The following IL1RAPL2 variants were observed in gnomAD, a reference collection of about 807,000 sequenced individuals.
IL1RAPL2 encodes the protein interleukin 1 receptor accessory protein like 2.
Under a neutral mutation model 44.1 loss-of-function variants are expected in IL1RAPL2, and 3 were observed. That is an observed-to-expected ratio of 0.07 (90% CI 0.03 to 0.18). IL1RAPL2 has a LOEUF of 0.18. Among genes scored for constraint, IL1RAPL2 ranks in the 10% least tolerant of loss-of-function variants. The probability of loss-of-function intolerance (pLI) is 1.00; values close to 1 mark genes in which losing one functional copy is unlikely to be tolerated. For synonymous variants in IL1RAPL2, 181 were observed against 178.8 expected, an observed-to-expected ratio of 1.01 and a Z score of -0.10; for missense variants, 391 against 496.4, an observed-to-expected ratio of 0.79 and a Z score of 2.02.
intron 4 of IL1RAPL2, among the ~76,000 whole-genome samples, chrX:105,255,717 T>TC (rs1232185545): frequency 8.9e-6 from 1 of 112,087 alleles, no homozygotes; most frequent in Non-Finnish European, 1.9e-5. Flanking sequence ...ACAGAGAGCA[T>TC]CCTTGTCTTG....
intron 1 of IL1RAPL2, among the ~76,000 whole-genome samples, chrX:104,637,059 A>G (rs1418791376): frequency 9.5e-6 from 1 of 105,635 alleles, no homozygotes; most frequent in Non-Finnish European, 1.9e-5. Context: ...GTTCCTAGGT[A>G]GTTTGGGATT....
At chrX:105,703,477 T>C (rs1174662845) in intron 6 of IL1RAPL2, among the ~76,000 whole-genome samples, 3 of 111,500 alleles carry the variant, frequency 2.7e-5, no homozygotes, top group Admixed American at 1.9e-4. Context: ...CAGGAAGATA[T>C]GACAGGGGTC....
chrX:104,828,223 T>C (rs1398007618), intron 2 of IL1RAPL2, among the ~76,000 whole-genome samples: 1 of 112,395 alleles, frequency 8.9e-6, no homozygotes, highest in East Asian at 2.8e-4. Context: ...TTTTTTGAAT[T>C]TTCAGCCTTT....
intron 2 of IL1RAPL2, among the ~76,000 whole-genome samples, chrX:104,883,366 G>A (rs1466104337): frequency 9.0e-6 from 1 of 111,153 alleles, no homozygotes; most frequent in Non-Finnish European, 1.9e-5. Flanking sequence ...TCGGAGTTGG[G>A]AGCGTTGGTT....
chrX:105,719,139 A>G (rs2038281321), intron 7 of IL1RAPL2, among the ~76,000 whole-genome samples: 1 of 111,769 alleles, frequency 8.9e-6, no homozygotes, highest in South Asian at 3.7e-4. Flanking sequence ...AATGAAAACA[A>G]CCTAAATGTC....
At chrX:104,975,136 G>A (rs912833680) in intron 2 of IL1RAPL2, among the ~76,000 whole-genome samples, 3 of 111,099 alleles carry the variant, frequency 2.7e-5, no homozygotes, top group African/African-American at 9.8e-5. Flanking sequence ...AGGAATTTGC[G>A]GTTTCTTTGC....
chrX:104,908,520 A>G (rs1019621238), intron 2 of IL1RAPL2, among the ~76,000 whole-genome samples: 4 of 110,787 alleles, frequency 3.6e-5, no homozygotes, highest in African/African-American at 1.3e-4. Flanking sequence ...ATCTCTCAGC[A>G]TTTGCTCGTC....
chrX:105,628,079 T>A (rs2037466043), intron 6 of IL1RAPL2, among the ~76,000 whole-genome samples: 1 of 111,846 alleles, frequency 8.9e-6, no homozygotes, highest in South Asian at 3.7e-4. Flanking sequence ...GTGCTAAGTG[T>A]GCCTTTTGCT....
At chrX:105,711,213 G>A (rs2038207667) in intron 6 of IL1RAPL2, among the ~76,000 whole-genome samples, 1 of 109,943 alleles carries the variant, frequency 9.1e-6, no homozygotes, top group African/African-American at 3.3e-5. Flanking sequence ...GAATACAACA[G>A]AGTGGACAAT....
chrX:105,723,294 G>A (rs1013779735), intron 7 of IL1RAPL2, among the ~76,000 whole-genome samples: 1 of 111,352 alleles, frequency 9.0e-6, no homozygotes, highest in African/African-American at 3.3e-5. Context: ...GTAAGTCTGA[G>A]CCCACATAAA....
intron 2 of IL1RAPL2, among the ~76,000 whole-genome samples, chrX:104,992,153 T>C (rs184042041): frequency 1.4e-4 from 15 of 111,110 alleles, no homozygotes; most frequent in African/African-American, 4.6e-4. Flanking sequence ...GACCAGATCA[T>C]GAATGGCCTT....
intron 2 of IL1RAPL2, among the ~76,000 whole-genome samples, chrX:104,670,333 G>T (rs1336733597): frequency 9.0e-6 from 1 of 111,520 alleles, no homozygotes; most frequent in Non-Finnish European, 1.9e-5. Context: ...AAAGATGAAA[G>T]CCAGAAGACT....
At chrX:105,582,158 C>T (rs1324357085) in intron 6 of IL1RAPL2, among the ~76,000 whole-genome samples, 1 of 111,687 alleles carries the variant, frequency 9.0e-6, no homozygotes, top group Non-Finnish European at 1.9e-5. Context: ...TGATAATGGT[C>T]AGTTGTGTAA....
chrX:104,689,259 C>G (rs374475261), intron 2 of IL1RAPL2, among the ~76,000 whole-genome samples: 6 of 111,877 alleles, frequency 5.4e-5, no homozygotes, highest in Admixed American at 1.9e-4. Flanking sequence ...AACAAAATGA[C>G]TGACTAGACC....
chrX:105,202,183 T>G (rs2033723079), intron 3 of IL1RAPL2, among the ~76,000 whole-genome samples: 1 of 112,521 alleles, frequency 8.9e-6, no homozygotes, highest in Non-Finnish European at 1.9e-5. Context: ...GTTTGTTTAC[T>G]GGAAGGAAGC....
chrX:105,359,527 CAA>C (rs949908692), intron 5 of IL1RAPL2, among the ~76,000 whole-genome samples: 2 of 110,671 alleles, frequency 1.8e-5, no homozygotes, highest in African/African-American at 6.6e-5. Flanking sequence ...ATGAATTGCC[CAA>C]AGTCACCCAT....
intron 5 of IL1RAPL2, among the ~76,000 whole-genome samples, chrX:105,285,350 C>A (rs952073264): frequency 8.9e-6 from 1 of 111,760 alleles, no homozygotes; most frequent in African/African-American, 3.3e-5. Flanking sequence ...GGAGCCCCTG[C>A]AAGAGAAAGC....
chrX:104,630,411 T>C (rs1041330219), intron 1 of IL1RAPL2, among the ~76,000 whole-genome samples: 1 of 110,375 alleles, frequency 9.1e-6, no homozygotes, highest in African/African-American at 3.3e-5. Flanking sequence ...CCTCCCAAAG[T>C]GCTGGGATTA....
chrX:105,360,580 A>G lies in IL1RAPL2; in HGVS notation c.697+93039A>G, dbSNP rs562831050. Among the ~76,000 whole-genome samples the G allele has an allele frequency of 7.5e-4, 83 of 110,930 alleles. 1 individual carries two copies. The highest frequency in any genetic ancestry group is 9.2e-3 in the Middle Eastern group (2 of 217). On this transcript the variant is annotated intron_variant, in intron 5 of 10. Transcript: ENST00000372582. Reference sequence around the variant, plus strand: ...GGGTGGGGAAGGGGGCTGATAATTTAGATAGGGTGGTCAGGAGAGGCTTTT... The same window carrying G: ...GGGTGGGGAAGGGGGCTGATAATTTGGATAGGGTGGTCAGGAGAGGCTTTT...
Sources: gnomAD v4.1 joint callset for allele counts (sites outside exome capture counted in the v4.1 genomes callset) on GRCh38, gnomAD v4.1.1 for gene constraint, MANE v1.5 for transcripts, NCBI Gene and HGNC (gene_info 2026-07-23, HGNC 2026-07-21) for gene names.